The following EDIL3 variants were observed in gnomAD, a reference collection of about 807,000 sequenced individuals.
The protein encoded by EDIL3 is EGF like and discoidin domains 3, also known as EGF-like repeat and discoidin I-like domain-containing protein 3.
A neutral mutation model predicts 67.4 loss-of-function variants in EDIL3; 37 were observed. That is an observed-to-expected ratio of 0.55 (90% CI 0.42 to 0.72). EDIL3 has a LOEUF of 0.72. EDIL3 is among the 30% of genes least tolerant of loss of function. EDIL3 has a pLI of 0.00. For missense variants in EDIL3, 527 were observed against 586.3 expected, an observed-to-expected ratio of 0.90 and a Z score of 1.04; for synonymous variants, 195 against 196.3, an observed-to-expected ratio of 0.99 and a Z score of 0.05.
intron 1 of EDIL3, among the ~76,000 whole-genome samples, chr5:84,326,980 G>A (rs1177556856): frequency 6.6e-6 from 1 of 151,652 alleles, no homozygotes; most frequent in Non-Finnish European, 1.5e-5. Flanking sequence ...AGCTCTTTGA[G>A]AAATAATTAA....
chr5:83,978,093 T>G (rs536429431), intron 9 of EDIL3, among the ~76,000 whole-genome samples: 1 of 151,934 alleles, frequency 6.6e-6, no homozygotes, highest in South Asian at 2.1e-4. Context: ...GCTGTAAGCA[T>G]ATGATATAAT....
chr5:84,184,493 A>G (rs1749065584), intron 3 of EDIL3, among the ~76,000 whole-genome samples: 1 of 152,236 alleles, frequency 6.6e-6, no homozygotes, highest in Non-Finnish European at 1.5e-5. Context: ...AGTTGTTTGC[A>G]CAGATGCTAT....
At chr5:84,284,400 C>T (rs1034113998) in intron 1 of EDIL3, among the ~76,000 whole-genome samples, 1 of 152,038 alleles carries the variant, frequency 6.6e-6, no homozygotes, top group African/African-American at 2.4e-5. Context: ...GCTACTATAC[C>T]CATGCACTTG....
chr5:84,373,246 A>AT (rs1049990295), intron 1 of EDIL3, among the ~76,000 whole-genome samples: 21 of 152,028 alleles, frequency 1.4e-4, no homozygotes, highest in Admixed American at 8.5e-4. Context: ...GGGGCACAAG[A>AT]TTTTGGGATT....
chr5:84,050,133 G>T (rs573291219), intron 9 of EDIL3, among the ~76,000 whole-genome samples: 1 of 145,254 alleles, frequency 6.9e-6, no homozygotes, highest in Admixed American at 7.4e-5. Flanking sequence ...GGGAGGCGGA[G>T]CTTGCAGTGA....
chr5:83,965,320 T>C (rs192294552), intron 9 of EDIL3, among the ~76,000 whole-genome samples: 1 of 152,248 alleles, frequency 6.6e-6, no homozygotes, highest in East Asian at 1.9e-4. Context: ...CATGAATTTC[T>C]TCTCTGTTCT....
intron 9 of EDIL3, among the ~76,000 whole-genome samples, chr5:83,964,344 C>T (rs1272286960): frequency 1.3e-5 from 2 of 151,870 alleles, no homozygotes; most frequent in African/African-American, 2.4e-5. Flanking sequence ...GGCTTCCTCT[C>T]TCTTCCTGCA....
chr5:84,379,464 C>T (rs965084925), intron 1 of EDIL3, among the ~76,000 whole-genome samples: 2 of 152,110 alleles, frequency 1.3e-5, no homozygotes, highest in African/African-American at 4.8e-5. Flanking sequence ...TAAAAGCATT[C>T]ATCTCTTTCC....
chr5:84,331,125 T>C (rs1000879900), intron 1 of EDIL3, among the ~76,000 whole-genome samples: 3 of 152,208 alleles, frequency 2.0e-5, no homozygotes, highest in South Asian at 2.1e-4. Context: ...CCCCATTGTA[T>C]ATAGGAAATA....
rs995973813 is a variant in EDIL3, at chr5:84,097,651, C to T, written c.651+8998G>A. ...AGTAGTGGATAGAGTGTAGAGTACA[C>T]ATTCATGAGTAAATGTTTGTGGAAT... On this transcript the variant is annotated intron_variant, in intron 6 of 10. Coordinates refer to ENST00000296591, the MANE Select transcript of EDIL3 (RefSeq NM_005711.5). 3.3e-5 allele frequency among the ~76,000 whole-genome samples: 5 copies of T among 152,020 alleles called. No individual in the cohort carries two copies. In the East Asian group the frequency reaches 9.7e-4, roughly 29 times the overall value.
At chr5:84,291,746 A>ATATATCTATATATC (rs1745926442) in intron 1 of EDIL3, among the ~76,000 whole-genome samples, 2 of 140,980 alleles carry the variant, frequency 1.4e-5, no homozygotes, top group African/African-American at 2.9e-5. Context: ...ATCTATATAG[A>ATATATCTATATATC]TATATCTATA....
intron 6 of EDIL3, among the ~76,000 whole-genome samples, chr5:84,074,735 T>C (rs1283925142): frequency 6.6e-6 from 1 of 151,990 alleles, no homozygotes; most frequent in Non-Finnish European, 1.5e-5. Context: ...ATAGGAACAC[T>C]TTTACACTGT....
At chr5:84,333,439 A>G (rs898618480) in intron 1 of EDIL3, among the ~76,000 whole-genome samples, 1 of 152,164 alleles carries the variant, frequency 6.6e-6, no homozygotes, top group African/African-American at 2.4e-5. Flanking sequence ...TAAAGTCATT[A>G]GTCCTGGTTT....
chr5:84,061,130 A>T (rs1322561903), intron 8 of EDIL3, among the ~76,000 whole-genome samples: 2 of 152,138 alleles, frequency 1.3e-5, no homozygotes. Context: ...CTAATAGATA[A>T]CAGAAGATAA....
In EDIL3 at chr5:84,072,860, G is replaced by C. The variant is rs536250504; in HGVS notation, c.652-6254C>G. On this transcript the variant is annotated intron_variant, in intron 6 of 10. Coordinates refer to ENST00000296591, the MANE Select transcript of EDIL3 (RefSeq NM_005711.5). ...AGAAAAGAATGGAGGGATGGTGGAG[G>C]GAGAGAGAGAGATCTTAGCATAATG... Among the ~76,000 whole-genome samples, 52 of 152,064 alleles carry C rather than the reference G, an allele frequency of 3.4e-4. 1 individual carries two copies. The highest frequency in any genetic ancestry group is 1.2e-4 in the Non-Finnish European group (8 of 67,964).
chr5:84,023,832 A>G (rs1158089937), intron 9 of EDIL3, among the ~76,000 whole-genome samples: 1 of 152,120 alleles, frequency 6.6e-6, no homozygotes. Context: ...ATTATTAATG[A>G]AAAAACCCAT....
At position 84,164,987 on chromosome 5, in the gene EDIL3, G is replaced by A. The variant is rs545506703; in HGVS notation, c.355+15406C>T. ...ACAGAAAGAAAATCAGCAAGGGCAGGACAATGGGAAATTAAGGATCCTGAA... is the reference window on the plus strand; with the variant it reads ...ACAGAAAGAAAATCAGCAAGGGCAGAACAATGGGAAATTAAGGATCCTGAA... On this transcript the variant is annotated intron_variant, in intron 4 of 10. Transcript: ENST00000296591. Among the ~76,000 whole-genome samples, 4 of 152,158 alleles carry A rather than the reference G, an allele frequency of 2.6e-5. No homozygotes were observed. The South Asian group carries it at 6.2e-4, about 24-fold the overall frequency.
intron 5 of EDIL3, among the ~76,000 whole-genome samples, chr5:84,129,211 A>AT (rs934120631): frequency 6.6e-6 from 1 of 152,124 alleles, no homozygotes; most frequent in Non-Finnish European, 1.5e-5. Context: ...TATTGAGTCA[A>AT]TTTTTTGTGT....
rs1747713346 is a variant in EDIL3 at position 84,365,645 on chromosome 5, A to T, written c.67+18663T>A. 2.6e-5 allele frequency among the ~76,000 whole-genome samples: 4 copies of T among 152,218 alleles called. No individual in the cohort carries two copies. In the South Asian group the frequency reaches 8.3e-4, roughly 31 times the overall value. ...AATGCAATAATTTAAAGTCAGAAACATAATAAAAACATATATCATATCAAT... is the reference window on the plus strand; with the variant it reads ...AATGCAATAATTTAAAGTCAGAAACTTAATAAAAACATATATCATATCAAT... On this transcript the variant is annotated intron_variant, in intron 1 of 10. Coordinates refer to ENST00000296591, the MANE Select transcript of EDIL3 (RefSeq NM_005711.5).
Sources: allele counts gnomAD v4.1 joint callset (sites outside exome capture counted in the v4.1 genomes callset), GRCh38; gene constraint gnomAD v4.1.1; transcripts MANE v1.5; gene names NCBI Gene and HGNC (gene_info 2026-07-23, HGNC 2026-07-21).